Variants in SNAP47 observed in about 807,000 individuals in gnomAD.
SNAP47 encodes the protein synaptosome associated protein 47.
A neutral mutation model predicts 31.4 loss-of-function variants in SNAP47; 20 were observed. That is an observed-to-expected ratio of 0.64 (90% CI 0.45 to 0.93). SNAP47 has a LOEUF of 0.93. Ranked by LOEUF, SNAP47 falls within the 40% of genes least tolerant of loss-of-function variation. The pLI, the probability that SNAP47 is intolerant of heterozygous loss-of-function variation, is 0.00. For synonymous variants in SNAP47, 194 were observed against 213.4 expected, an observed-to-expected ratio of 0.91 and a Z score of 0.79; for missense variants, 492 against 528.5, an observed-to-expected ratio of 0.93 and a Z score of 0.68.
intron 1 of SNAP47, among the ~76,000 whole-genome samples, chr1:227,736,686 G>GT (rs112159513): frequency 0.035 from 3,863 of 110,900 alleles, 151 homozygotes; most frequent in African/African-American, 0.074. Flanking sequence ...TTTTGTTTTT[G>GT]TTTTTTTTTT....
intron 4 of SNAP47, among the ~76,000 whole-genome samples, chr1:227,772,785 G>A (rs561153060): frequency 5.9e-5 from 9 of 152,144 alleles, no homozygotes; most frequent in African/African-American, 9.7e-5. Context: ...TGTCCAGATC[G>A]AGTTTTCCCA....
At chr1:227,733,970 TC>T (rs1246714120), upstream of SNAP47, 4 of 1,613,720 alleles carry the variant, frequency 2.5e-6, no homozygotes, top group Non-Finnish European at 3.4e-6. Flanking sequence ...ATCCCAGAAC[TC>T]ATTCAGCCAG....
chr1:227,760,290 C>T (rs1470980551), intron 3 of SNAP47, among the ~76,000 whole-genome samples: 1 of 152,226 alleles, frequency 6.6e-6, no homozygotes, highest in Non-Finnish European at 1.5e-5. Flanking sequence ...CTGGTGGGGC[C>T]ATTCCCATCA....
At chr1:227,735,357 G>C (rs1661037271), upstream of SNAP47, 1 of 1,593,122 alleles carries the variant, frequency 6.3e-7, no homozygotes, top group Non-Finnish European at 8.5e-7. Flanking sequence ...ACCAGAAGAC[G>C]CAGGGCGCCG....
At chr1:227,757,304 G>A (rs1662758618) in intron 2 of SNAP47, among the ~76,000 whole-genome samples, 1 of 152,240 alleles carries the variant, frequency 6.6e-6, no homozygotes. Flanking sequence ...ACGTGTGAGT[G>A]TGGCTCTTGG....
At chr1:227,739,017 G>A (rs918608730) in intron 1 of SNAP47, among the ~76,000 whole-genome samples, 9 of 152,116 alleles carry the variant, frequency 5.9e-5, no homozygotes, top group Admixed American at 1.3e-4. Context: ...CACTGTATAC[G>A]CAGGAGGCCT....
rs1661574548 is a variant in SNAP47 at position 227,741,201 on chromosome 1, G to A, written c.-46+5702G>A. On this transcript the variant is annotated intron_variant, in intron 1 of 4. Transcript: ENST00000617596. The surrounding 1 kb of genome is among the most constrained non-coding windows in gnomAD (Gnocchi z 4.2). ...GGGAGTCTGGCTGGAGTGGGTGTTTGGGAGGCAACGGCTTGGGGGTGATGT... is the reference window on the plus strand; with the variant it reads ...GGGAGTCTGGCTGGAGTGGGTGTTTAGGAGGCAACGGCTTGGGGGTGATGT... 6.6e-6 allele frequency among the ~76,000 whole-genome samples: 1 copy of A among 152,134 alleles called. No homozygotes were observed. The highest frequency in any genetic ancestry group is 2.4e-5 in the African/African-American group (1 of 41,408).
chr1:227,780,887 C>A lies in SNAP47; in HGVS notation c.*214C>A. 1 of 624,472 alleles carries A rather than the reference C, an allele frequency of 1.6e-6. No homozygotes were observed. The highest frequency in any genetic ancestry group is 2.7e-6 in the Non-Finnish European group (1 of 364,188). 38.7% of individuals were successfully genotyped at this position (624,472 alleles called of 1,614,324 possible). On this transcript the variant is annotated 3_prime_UTR_variant, in exon 5 of 5. Coordinates refer to ENST00000617596, the MANE Select transcript of SNAP47 (RefSeq NM_053052.4). ...GGCTGTCCCTGCTGCTGGGCAGGAC[C>A]CGGCCACATGTTCTGCGGATGCTGC...
At chr1:227,737,379 A>T (rs1441045928) in intron 1 of SNAP47, among the ~76,000 whole-genome samples, 2 of 152,208 alleles carry the variant, frequency 1.3e-5, no homozygotes, top group Non-Finnish European at 2.9e-5. Context: ...AATGAGAGGC[A>T]GCTTGTGCTG....
upstream of SNAP47, chr1:227,731,747 G>A (rs117402061): frequency 4.4e-3 from 693 of 156,306 alleles, 17 homozygotes; most frequent in South Asian, 0.052. Context: ...CTCAGGCCCA[G>A]GTGAGGATTC....
Position 227,755,880 on chromosome 1 carries a change from C to A in SNAP47, c.498-3115C>A, listed in dbSNP as rs1046642254. ...GAGGAGAACCTGGGCCACTGAGTGG[C>A]CCAACGCCAGGGGGCCACTTTTAAC... On this transcript the variant is annotated intron_variant, in intron 2 of 4. Transcript: ENST00000617596. 4.6e-5 allele frequency among the ~76,000 whole-genome samples: 7 copies of A among 152,206 alleles called. No homozygotes were observed. In the East Asian group the frequency reaches 5.8e-4, roughly 13 times the overall value.
chr1:227,772,022 C>T (rs1439927300), intron 4 of SNAP47, among the ~76,000 whole-genome samples: 1 of 152,102 alleles, frequency 6.6e-6, no homozygotes, highest in Non-Finnish European at 1.5e-5. Flanking sequence ...TGACCGAGTG[C>T]TGAGTGGGAC....
At chr1:227,739,221 C>T (rs757305806) in intron 1 of SNAP47, among the ~76,000 whole-genome samples, 4 of 152,118 alleles carry the variant, frequency 2.6e-5, no homozygotes, top group African/African-American at 9.7e-5. Flanking sequence ...AATGCAATAG[C>T]GCTATCTTGG....
At chr1:227,748,837 A>G (rs746484891) in intron 2 of SNAP47, among the ~76,000 whole-genome samples, 3 of 152,180 alleles carry the variant, frequency 2.0e-5, no homozygotes, top group African/African-American at 4.8e-5. Context: ...TTCTTCTGTT[A>G]TGTTTCTTAG....
In SNAP47 at chr1:227,767,032, G is replaced by A; in HGVS notation, c.1062G>A (p.Leu354=). ...ACCAGGAGGGCACAGCACTGCACCTGCAGACAAGCCTGCCAGCCCTTTCTG... is the reference window on the plus strand; with the variant it reads ...ACCAGGAGGGCACAGCACTGCACCTACAGACAAGCCTGCCAGCCCTTTCTG... ...AGDQEGTALH[L]QTSLPALSEA... Residue 354 remains leucine (L), a synonymous_variant, in exon 4 of 5, where the codon CTG becomes CTA. Transcript: ENST00000617596. 6.2e-7 allele frequency: 1 copy of A among 1,614,042 alleles called. No individual in the cohort carries two copies. Among genetic ancestry groups the A allele is most frequent in the Non-Finnish European group, 8.5e-7 (1 of 1,180,040 alleles).
intron 4 of SNAP47, among the ~76,000 whole-genome samples, chr1:227,773,676 C>T (rs1002365790): frequency 1.2e-4 from 18 of 152,226 alleles, no homozygotes; most frequent in African/African-American, 3.9e-4. Context: ...GGCACCTTCT[C>T]CACGTTTAGA....
At chr1:227,751,308 CACCTGTCCCACT>C (rs1462983775) in intron 2 of SNAP47, among the ~76,000 whole-genome samples, 1 of 152,214 alleles carries the variant, frequency 6.6e-6, no homozygotes, top group Non-Finnish European at 1.5e-5. Flanking sequence ...CCAGCCCCAC[CACCTGTCCCACT>C]ACCTGTCCTG....
intron 2 of SNAP47, among the ~76,000 whole-genome samples, chr1:227,749,244 G>A (rs1383630029): frequency 6.6e-6 from 1 of 152,042 alleles, no homozygotes; most frequent in African/African-American, 2.4e-5. Context: ...TGGGGCTGAG[G>A]TATCACCCAT....
At chr1:227,760,264 A>G (rs192642859) in intron 3 of SNAP47, among the ~76,000 whole-genome samples, 1 of 152,168 alleles carries the variant, frequency 6.6e-6, no homozygotes, top group Non-Finnish European at 1.5e-5. Context: ...TGTTACTGGC[A>G]CCATCTCCAC....
Sources: allele counts gnomAD v4.1 joint callset (sites outside exome capture counted in the v4.1 genomes callset), GRCh38; gene constraint gnomAD v4.1.1; non-coding constraint Gnocchi (gnomAD v3.1); transcripts MANE v1.5; gene names NCBI Gene and HGNC (gene_info 2026-07-23, HGNC 2026-07-21).